Variants in PRDM16 observed in about 807,000 individuals in gnomAD.
The protein encoded by PRDM16 is PR/SET domain 16.
PRDM16 carries 23 observed loss-of-function variants against 110.6 expected under a neutral mutation model. The observed-to-expected ratio is 0.21, with a 90% CI of 0.15 to 0.29. The LOEUF (loss-of-function observed/expected upper bound fraction) is 0.29, where lower values mean the gene tolerates loss of function less well. Among genes scored for constraint, PRDM16 ranks in the 10% least tolerant of loss-of-function variants. The pLI, the probability that PRDM16 is intolerant of heterozygous loss-of-function variation, is 1.00. For missense variants in PRDM16, 1,615 were observed against 1,794.3 expected (o/e 0.90, Z 1.81); for synonymous variants, 799 against 781.8 (o/e 1.02, Z -0.37).
chr1:3,397,056 G>T (rs545065908), intron 5 of PRDM16, among the ~76,000 whole-genome samples: 6 of 152,296 alleles, frequency 3.9e-5, no homozygotes, highest in Non-Finnish European at 8.8e-5. Flanking sequence ...AGCATTTCTG[G>T]CTGCCCCAGA....
chr1:3,307,711 C>T (rs1641346511), intron 3 of PRDM16: 1 of 152,196 alleles, frequency 6.6e-6, no homozygotes, highest in South Asian at 2.1e-4. Context: ...CATGAGCTTA[C>T]CCCTTAAAGC....
At chr1:3,332,003 T>C (rs1642050736) in intron 3 of PRDM16, among the ~76,000 whole-genome samples, 1 of 152,226 alleles carries the variant, frequency 6.6e-6, no homozygotes, top group Non-Finnish European at 1.5e-5. Flanking sequence ...GGACTGGGTG[T>C]GCATTCCTGA....
Position 3,114,214 on chromosome 1 carries a change from CACGA to C in PRDM16, c.37+44921_37+44924del, listed in dbSNP as rs796358533. On this transcript the variant is annotated intron_variant, in intron 1 of 16. Transcript: ENST00000270722. ...ACACGCACACGCACGCACACACGCACACGAACACACACGCACACACGCAGTGTAA... is the reference window on the plus strand; with the variant it reads ...ACACGCACACGCACGCACACACGCACACACACACGCACACACGCAGTGTAA... Among the ~76,000 whole-genome samples, 41 of 131,938 alleles carry C rather than the reference CACGA, an allele frequency of 3.1e-4. No homozygotes were observed. In the South Asian group the frequency reaches 3.6e-3, roughly 12 times the overall value. 86.6% of individuals were successfully genotyped at this position (131,938 alleles called of 152,430 possible).
chr1:3,192,905 A>T (rs955884546), intron 2 of PRDM16, among the ~76,000 whole-genome samples: 1 of 151,962 alleles, frequency 6.6e-6, no homozygotes, highest in Non-Finnish European at 1.5e-5. Context: ...GAAATGAAGA[A>T]CCTTGGCCCC....
intron 1 of PRDM16, among the ~76,000 whole-genome samples, chr1:3,108,802 C>T (rs1203309350): frequency 6.6e-6 from 1 of 152,040 alleles, no homozygotes; most frequent in Non-Finnish European, 1.5e-5. Context: ...GGCAGTGCCC[C>T]CTTAGTGCTC....
chr1:3,218,302 G>A (rs1407232938), intron 2 of PRDM16, among the ~76,000 whole-genome samples: 4 of 152,238 alleles, frequency 2.6e-5, no homozygotes, highest in African/African-American at 9.6e-5. Flanking sequence ...AAAAAACCCA[G>A]CAGAAAGAAT....
At chr1:3,298,748 T>C (rs1641143042) in intron 3 of PRDM16, among the ~76,000 whole-genome samples, 1 of 152,120 alleles carries the variant, frequency 6.6e-6, no homozygotes, top group African/African-American at 2.4e-5. Context: ...CAAAGGAATC[T>C]CCTAGAAATG....
intron 1 of PRDM16, among the ~76,000 whole-genome samples, chr1:3,100,348 A>G (rs1247230858): frequency 6.6e-6 from 1 of 152,200 alleles, no homozygotes; most frequent in Non-Finnish European, 1.5e-5. Flanking sequence ...TCCTGTCTTT[A>G]GGTCCTCTAC....
At chr1:3,400,778 C>T (rs765857435) in intron 5 of PRDM16, among the ~76,000 whole-genome samples, 33 of 152,144 alleles carry the variant, frequency 2.2e-4, no homozygotes, top group Non-Finnish European at 4.0e-4. Flanking sequence ...GCCTGGACAC[C>T]GGCTGAGAAC....
At chr1:3,132,590 C>T (rs1643356685) in intron 1 of PRDM16, among the ~76,000 whole-genome samples, 1 of 152,206 alleles carries the variant, frequency 6.6e-6, no homozygotes, top group Non-Finnish European at 1.5e-5. Flanking sequence ...TTCCTTCCTC[C>T]TTACCGAGGG....
At chr1:3,129,361 G>A (rs937506726) in intron 1 of PRDM16, among the ~76,000 whole-genome samples, 5 of 140,042 alleles carry the variant, frequency 3.6e-5, no homozygotes, top group African/African-American at 9.0e-5. Flanking sequence ...GTGTGCGCAC[G>A]TGGGTGAGTG....
chr1:3,397,009 C>T (rs747875166), intron 5 of PRDM16, among the ~76,000 whole-genome samples: 9 of 152,152 alleles, frequency 5.9e-5, no homozygotes, highest in African/African-American at 4.8e-5. Context: ...CTTAAATGAA[C>T]GAACAAACAA....
rs114810669 is a variant in PRDM16, at chr1:3,332,672, G to A, written c.439-52480G>A. On this transcript the variant is annotated intron_variant, in intron 3 of 16. Transcript: ENST00000270722. ...TTGTTGTGCAAACACCACTTCTGCCGACTTCCGAGAGGCTTTCACCACCCC... is the reference window on the plus strand; with the variant it reads ...TTGTTGTGCAAACACCACTTCTGCCAACTTCCGAGAGGCTTTCACCACCCC... 3.7e-3 allele frequency among the ~76,000 whole-genome samples: 569 copies of A among 152,046 alleles called. 3 individuals carry two copies. Among genetic ancestry groups the A allele is most frequent in the Admixed American group, 0.012 (188 of 15,280 alleles).
At chr1:3,087,611 T>C (rs1642180274) in intron 1 of PRDM16, among the ~76,000 whole-genome samples, 1 of 152,168 alleles carries the variant, frequency 6.6e-6, no homozygotes, top group Non-Finnish European at 1.5e-5. Flanking sequence ...CGCAGATGCA[T>C]TCTTAGTCAA....
In PRDM16 at chr1:3,412,891, C is replaced by T. The variant is rs1643717755; in HGVS notation, c.2603+91C>T. ...AGTGCATGGTGGTGTCTCTTTCAAG[C>T]TCCTCCAAGGTCGTCCCCCGGCCTT... On this transcript the variant is annotated intron_variant, in intron 9 of 16. Transcript: ENST00000270722. The T allele has an allele frequency of 3.6e-6, 4 of 1,120,852 alleles. No homozygotes were observed. The South Asian group carries it at 7.9e-5, about 22-fold the overall frequency. 69.4% of individuals were successfully genotyped at this position (1,120,852 alleles called of 1,614,324 possible). A position where few individuals can be genotyped will look rare whatever the true frequency, so the allele number is the denominator to read the frequency against.
At chr1:3,394,038 G>A (rs1643343575) in intron 4 of PRDM16, among the ~76,000 whole-genome samples, 2 of 152,162 alleles carry the variant, frequency 1.3e-5, no homozygotes, top group South Asian at 2.1e-4. Flanking sequence ...CCGCGCCGGA[G>A]GGGAGGGTCC....
intron 3 of PRDM16, among the ~76,000 whole-genome samples, chr1:3,276,948 G>C (rs1217681993): frequency 6.6e-6 from 1 of 152,032 alleles, no homozygotes; most frequent in Admixed American, 6.6e-5. Context: ...ACGACCCCGG[G>C]CAGCGTCTGC....
chr1:3,199,256 C>A (rs1046401227), intron 2 of PRDM16, among the ~76,000 whole-genome samples: 1 of 146,464 alleles, frequency 6.8e-6, no homozygotes, highest in African/African-American at 2.7e-5. Context: ...GGCGGAGAGC[C>A]ATAGCCAGGT....
intron 1 of PRDM16, among the ~76,000 whole-genome samples, chr1:3,160,111 C>T (rs557066152): frequency 2.0e-5 from 3 of 152,306 alleles, no homozygotes; most frequent in East Asian, 3.9e-4. Context: ...CATGGGCAGC[C>T]GGGCATTTCT....
Sources: allele counts gnomAD v4.1 joint callset (sites outside exome capture counted in the v4.1 genomes callset), GRCh38; gene constraint gnomAD v4.1.1; transcripts MANE v1.5; gene names NCBI Gene and HGNC (gene_info 2026-07-23, HGNC 2026-07-21).